Variants in PEDS1 observed in about 807,000 individuals in gnomAD.
PEDS1 encodes the protein CarF homolog.
In PEDS1, 14 loss-of-function variants were observed where a neutral mutation model predicts 35.2. That is an observed-to-expected ratio of 0.40 (90% CI 0.26 to 0.62). PEDS1 has a LOEUF of 0.62. Ranked by LOEUF, PEDS1 falls within the 20% of genes least tolerant of loss-of-function variation. The pLI is 0.44. For missense variants in PEDS1, 260 were observed against 367.8 expected, an observed-to-expected ratio of 0.71 and a Z score of 2.40; for synonymous variants, 152 against 152.0, an observed-to-expected ratio of 1.00 and a Z score of 0.00.
chr20:50,153,285 T>C (rs370399748), intron 1 of PEDS1, among the ~76,000 whole-genome samples: 14 of 152,030 alleles, frequency 9.2e-5, no homozygotes, highest in African/African-American at 3.1e-4. Flanking sequence ...AGGGAGCTCA[T>C]GGTAATTTCT....
At position 50,126,999 on chromosome 20, in the gene PEDS1, T is replaced by C. The variant is rs1480462531; in HGVS notation, c.691+976A>G. 4.6e-5 allele frequency among the ~76,000 whole-genome samples: 7 copies of C among 152,152 alleles called. No individual in the cohort carries two copies. The East Asian group carries it at 1.3e-3, about 29-fold the overall frequency. ...TGCCCGCTTCTCCCTCTTCCATTGC[T>C]CTGCCTCAACTCCAGTCAGGAGCCT... is the stretch of plus-strand genomic sequence containing the variant. On this transcript the variant is annotated intron_variant, in intron 5 of 5. Coordinates refer to ENST00000371652, the MANE Select transcript of PEDS1 (RefSeq NM_199129.4).
At chr20:50,148,531 G>A (rs143640347) in intron 1 of PEDS1, among the ~76,000 whole-genome samples, 1 of 152,350 alleles carries the variant, frequency 6.6e-6, no homozygotes, top group Non-Finnish European at 1.5e-5. Flanking sequence ...CTGGCCTCGT[G>A]TGGTAGGTAT....
intron 2 of PEDS1, chr20:50,131,167 GGA>G: frequency 9.3e-7 from 1 of 1,074,256 alleles, no homozygotes; most frequent in Non-Finnish European, 1.4e-6. Context: ...TCATGTGCTT[GGA>G]GAGTCTGGAG....
Position 50,122,226 on chromosome 20 carries a change from G to A in PEDS1, c.*2832C>T, listed in dbSNP as rs1287796583. 2.6e-5 allele frequency: 4 copies of A among 152,158 alleles called. No individual in the cohort carries two copies. Among genetic ancestry groups the A allele is most frequent in the Non-Finnish European group, 5.9e-5 (4 of 68,028 alleles). 9.4% of individuals were successfully genotyped at this position (152,158 alleles called of 1,614,324 possible). A position where few individuals can be genotyped will look rare whatever the true frequency, so the allele number is the denominator to read the frequency against. On this transcript the variant is annotated 3_prime_UTR_variant, in exon 6 of 6. Transcript: ENST00000371652. ...CTGGGTCCTGCCAAACCTTAATTCAGAACACCTGTAGACTTTTCCGTTTTA... is the reference window on the plus strand; with the variant it reads ...CTGGGTCCTGCCAAACCTTAATTCAAAACACCTGTAGACTTTTCCGTTTTA...
intron 3 of PEDS1, 68 bp downstream of exon 3, chr20:50,130,788 A>T: frequency 6.3e-7 from 1 of 1,581,510 alleles, no homozygotes; most frequent in Non-Finnish European, 8.7e-7. Context: ...TAGAGAAGAA[A>T]GGGGACTCAC....
At chr20:50,134,623 G>C (rs964061477) in intron 2 of PEDS1, among the ~76,000 whole-genome samples, 3 of 152,238 alleles carry the variant, frequency 2.0e-5, no homozygotes, top group Admixed American at 6.5e-5. Flanking sequence ...ATGTCATAAG[G>C]GTGGGGCCTC....
Position 50,123,540 on chromosome 20 carries a change from A to G in PEDS1, c.*1518T>C, listed in dbSNP as rs1237287453. 6.6e-6 allele frequency: 1 copy of G among 152,416 alleles called. No homozygotes were observed. Among genetic ancestry groups the G allele is most frequent in the African/African-American group, 2.4e-5 (1 of 41,434 alleles). The allele number at this position is 152,416 out of a possible 1,614,324, so 9.4% of individuals were successfully genotyped here. The stretch of plus-strand genomic sequence containing the variant: ...CTCAGCCTCCCAAAGTGCTGGGATT[A>G]CTGGCGTGAGCCACTGTGCGTGGCC... On this transcript the variant is annotated 3_prime_UTR_variant, in exon 6 of 6. Coordinates refer to ENST00000371652, the MANE Select transcript of PEDS1 (RefSeq NM_199129.4).
At chr20:50,130,717 G>T (rs2081169214) in intron 3 of PEDS1, 139 bp downstream of exon 3, 3 of 1,096,286 alleles carry the variant, frequency 2.7e-6, no homozygotes, top group East Asian at 5.1e-5. Context: ...TAGTCTTGCA[G>T]CACAGGGGTG....
intron 2 of PEDS1, among the ~76,000 whole-genome samples, chr20:50,142,941 T>G (rs965354362): frequency 8.5e-5 from 13 of 152,130 alleles, no homozygotes; most frequent in Non-Finnish European, 1.6e-4. Flanking sequence ...GCGTGGCAGG[T>G]GCAGGGTGAC....
At chr20:50,141,786 G>A (rs1471452710) in intron 2 of PEDS1, among the ~76,000 whole-genome samples, 1 of 152,218 alleles carries the variant, frequency 6.6e-6, no homozygotes, top group Non-Finnish European at 1.5e-5. Context: ...CCCAGCAATG[G>A]ATGGGTTCAT....
At position 50,153,684 on chromosome 20, in the gene PEDS1, G is replaced by GGCT. The variant is rs1363661316; in HGVS notation, c.-48_-47insAGC. The GGCT allele has an allele frequency of 8.3e-7, 1 of 1,201,198 alleles. No individual in the cohort carries two copies. Among genetic ancestry groups the GGCT allele is most frequent in the African/African-American group, 1.6e-5 (1 of 62,926 alleles). 74.4% of individuals were successfully genotyped at this position (1,201,198 alleles called of 1,614,324 possible). Reference sequence around the variant, plus strand: ...GGTGCGCTCTGCTGGCGGCGGCGGCGGCAGGGCCGCGGAACCGCGGCGAGA... The same window carrying GGCT: ...GGTGCGCTCTGCTGGCGGCGGCGGCGGCTGCAGGGCCGCGGAACCGCGGCGAGA... On this transcript the variant is annotated 5_prime_UTR_variant, in exon 1 of 6. Transcript: ENST00000371652.
rs2081084381 is a variant in PEDS1 at position 50,125,010 on chromosome 20, G to T, written c.*48C>A. The T allele has an allele frequency of 1.2e-6, 2 of 1,606,110 alleles. No individual in the cohort carries two copies. The highest frequency in any genetic ancestry group is 3.5e-4 in the Middle Eastern group (2 of 5,698). On this transcript the variant is annotated 3_prime_UTR_variant, in exon 6 of 6. Coordinates refer to ENST00000371652, the MANE Select transcript of PEDS1 (RefSeq NM_199129.4). ...GGCTGGAATTTGGCAGATGGCTTCG[G>T]TTTGGGGGCTAGGGAAGGTTGGCAA...
At chr20:50,153,411 G>A (rs2081426310) in intron 1 of PEDS1, 106 bp downstream of exon 1, 1 of 1,232,478 alleles carries the variant, frequency 8.1e-7, no homozygotes, top group Non-Finnish European at 1.0e-6. Flanking sequence ...TAGACACCCG[G>A]GCTGGAGTTC....
intron 1 of PEDS1, chr20:50,151,154 C>T (rs1568658736): frequency 1.0e-6 from 1 of 964,142 alleles, no homozygotes; most frequent in Non-Finnish European, 1.4e-6. Flanking sequence ...CAGATAGAAG[C>T]AGAGAGGCCA....
chr20:50,144,953 A>G (rs2081331029), intron 1 of PEDS1, among the ~76,000 whole-genome samples: 1 of 152,208 alleles, frequency 6.6e-6, no homozygotes, highest in Non-Finnish European at 1.5e-5. Flanking sequence ...CTGTAATCCC[A>G]GCACTTTGGG....
intron 2 of PEDS1, among the ~76,000 whole-genome samples, chr20:50,138,363 GT>G (rs1005227991): frequency 3.9e-5 from 6 of 152,152 alleles, no homozygotes; most frequent in Non-Finnish European, 8.8e-5. Flanking sequence ...CAACCTTAGG[GT>G]TAGGGTTAGG....
intron 1 of PEDS1, among the ~76,000 whole-genome samples, chr20:50,152,150 G>A (rs1327501819): frequency 6.6e-6 from 1 of 152,146 alleles, no homozygotes; most frequent in Non-Finnish European, 1.5e-5. Flanking sequence ...AAACCATAGC[G>A]GCATGGACCA....
At chr20:50,142,194 C>G (rs2081297765) in intron 2 of PEDS1, among the ~76,000 whole-genome samples, 1 of 152,154 alleles carries the variant, frequency 6.6e-6, no homozygotes, top group Non-Finnish European at 1.5e-5. Flanking sequence ...ATGGAAAACA[C>G]CAGGAGGTAC....
chr20:50,143,696 CTTTTCT>C, intron 1 of PEDS1, 75 bp from the exon 2 acceptor site: 2 of 1,533,826 alleles, frequency 1.3e-6, no homozygotes, highest in East Asian at 4.6e-5. Flanking sequence ...GGGAACTTTT[CTTTTCT>C]TTTTTTTTTT....
Sources: allele counts gnomAD v4.1 joint callset (sites outside exome capture counted in the v4.1 genomes callset), GRCh38; gene constraint gnomAD v4.1.1; transcripts MANE v1.5; gene names NCBI Gene and HGNC (gene_info 2026-07-23, HGNC 2026-07-21).